Variants in RUNX3 observed in about 807,000 individuals in gnomAD.
RUNX3 encodes runt-related transcription factor 3.
A neutral mutation model predicts 27.7 loss-of-function variants in RUNX3; 10 were observed. That is an observed-to-expected ratio of 0.36 (90% CI 0.22 to 0.61). The LOEUF is 0.61. Among genes scored for constraint, RUNX3 ranks in the 20% least tolerant of loss-of-function variants. The pLI, the probability that RUNX3 is intolerant of heterozygous loss-of-function variation, is 0.72. For missense variants in RUNX3, 469 were observed against 629.5 expected (o/e 0.75, Z 2.73); for synonymous variants, 270 against 269.2 (o/e 1.00, Z -0.03).
Position 24,956,994 on chromosome 1 carries a change from C to G in RUNX3, c.58+7520G>C, listed in dbSNP as rs371973870. 9.2e-5 allele frequency among the ~76,000 whole-genome samples: 14 copies of G among 152,350 alleles called. No homozygotes were observed. The East Asian group carries it at 1.4e-3, about 15-fold the overall frequency. ...GGACCTGCATTTACAAAAGCTCCCC[C>G]CCACAGGGACTGCATGTGCTGGTGG... On this transcript the variant is annotated intron_variant, in intron 2 of 6. Transcript: ENST00000338888.
At chr1:24,920,008 A>C (rs1419479960) in intron 2 of RUNX3, among the ~76,000 whole-genome samples, 2 of 150,760 alleles carry the variant, frequency 1.3e-5, no homozygotes, top group Non-Finnish European at 3.0e-5. Context: ...TTATTTATCT[A>C]CCTCCTTACT....
rs1356355132 is a variant in RUNX3, at chr1:24,907,350, C to T, written c.612G>A (p.Leu204=). 2.5e-6 allele frequency: 4 copies of T among 1,613,846 alleles called. No individual in the cohort carries two copies. The highest frequency in any genetic ancestry group is 3.4e-6 in the Non-Finnish European group (4 of 1,180,006). ...GTGTGCTCGGTGTCACCCGCATGCG[C>T]AGCCGTTCCAGGTCCCCAAAGCGGT... The part of the protein sequence containing the change: ...FPDRFGDLER[L]RMRVTPSTPS... Residue 204 remains leucine (L), a synonymous_variant, in exon 4 of 5, where the codon CTG becomes CTA. Transcript: ENST00000308873.
intron 2 of RUNX3, among the ~76,000 whole-genome samples, chr1:24,937,572 A>G (rs1421408445): frequency 3.9e-5 from 6 of 152,364 alleles, no homozygotes; most frequent in Admixed American, 1.3e-4. Flanking sequence ...ATGGCAAGGA[A>G]GCCTAGACTT....
chr1:24,938,001 C>T (rs1641388078), intron 2 of RUNX3, among the ~76,000 whole-genome samples: 1 of 152,244 alleles, frequency 6.6e-6, no homozygotes, highest in African/African-American at 2.4e-5. Context: ...TGCAGTTTTC[C>T]TCTGCCACCC....
At chr1:24,917,074 T>TG (rs1462836440) in intron 3 of RUNX3, among the ~76,000 whole-genome samples, 1 of 152,066 alleles carries the variant, frequency 6.6e-6, no homozygotes, top group Non-Finnish European at 1.5e-5. Flanking sequence ...GGCTCTGGGG[T>TG]GGGCTGGGCT....
At chr1:24,922,100 G>A (rs368931537) in intron 2 of RUNX3, among the ~76,000 whole-genome samples, 3 of 151,778 alleles carry the variant, frequency 2.0e-5, no homozygotes, top group Non-Finnish European at 4.4e-5. Context: ...ACAGGTGAGC[G>A]CCACCATGCC....
intron 2 of RUNX3, among the ~76,000 whole-genome samples, chr1:24,960,198 C>T (rs1266155620): frequency 3.9e-5 from 6 of 152,222 alleles, no homozygotes; most frequent in Non-Finnish European, 7.3e-5. Context: ...GATCCTGACC[C>T]AGTTTCCCCC....
Position 24,946,044 on chromosome 1 carries a change from AGAAT to A in RUNX3, c.59-16196_59-16193del, listed in dbSNP as rs533843893. ...TTAGGGGGGTTCCCAGAAGCATTTG[AGAAT>A]GAATGAATGAATGAATGAATGAGTG... is the stretch of plus-strand genomic sequence containing the variant. On this transcript the variant is annotated intron_variant, in intron 2 of 6. Transcript: ENST00000338888. Among the ~76,000 whole-genome samples, 313 of 152,240 alleles carry A rather than the reference AGAAT, an allele frequency of 2.1e-3. 1 individual carries two copies. The highest frequency in any genetic ancestry group is 0.014 in the Middle Eastern group (4 of 294).
chr1:24,903,283 G>A (rs1480884244), intron 4 of RUNX3, among the ~76,000 whole-genome samples: 1 of 152,332 alleles, frequency 6.6e-6, no homozygotes, highest in South Asian at 2.1e-4. Context: ...GGTTCTGTGC[G>A]CTCACACCTG....
intron 2 of RUNX3, among the ~76,000 whole-genome samples, chr1:24,922,057 C>T (rs1264174936): frequency 1.3e-5 from 2 of 152,164 alleles, no homozygotes; most frequent in African/African-American, 4.8e-5. Flanking sequence ...CTCAAGTGAT[C>T]CTCCTGTCTC....
chr1:24,911,243 C>CAGCTTG (rs1640790639), intron 3 of RUNX3, among the ~76,000 whole-genome samples: 1 of 152,242 alleles, frequency 6.6e-6, no homozygotes, highest in Admixed American at 6.5e-5. Context: ...TAGTCAGCCA[C>CAGCTTG]AAGCTTGAAG....
In RUNX3 at chr1:24,953,095, G is replaced by C. The variant is rs766968536; in HGVS notation, c.58+11419C>G. ...GAAAAATGAAAAAAAGGCAGGGCGC[G>C]GTGGCTCAAGCCTGCAATCCCATCA... On this transcript the variant is annotated intron_variant, in intron 2 of 6. Coordinates refer to the RUNX3 transcript ENST00000338888. Among the ~76,000 whole-genome samples the C allele has an allele frequency of 2.0e-5, 3 of 152,038 alleles. No individual in the cohort carries two copies. In the East Asian group the frequency reaches 5.8e-4, roughly 29 times the overall value.
At position 24,954,357 on chromosome 1, in the gene RUNX3, A is replaced by G. The variant is rs142601848; in HGVS notation, c.58+10157T>C. Among the ~76,000 whole-genome samples the G allele has an allele frequency of 5.5e-3, 832 of 152,302 alleles. 10 individuals carry two copies. Among genetic ancestry groups the G allele is most frequent in the African/African-American group, 0.019 (805 of 41,552 alleles). The stretch of plus-strand genomic sequence containing the variant: ...TTACTGGTTCTAAAATCTTCAAGCT[A>G]TGCTCTCACCCAAGGCTTCACTTAT... On this transcript the variant is annotated intron_variant, in intron 2 of 6. Coordinates refer to the RUNX3 transcript ENST00000338888.
rs1001434108 is a variant in RUNX3, at chr1:24,916,899, C to A, written c.544+2341G>T. 2.0e-5 allele frequency among the ~76,000 whole-genome samples: 3 copies of A among 152,324 alleles called. No individual in the cohort carries two copies. The highest frequency in any genetic ancestry group is 4.4e-5 in the Non-Finnish European group (3 of 68,030). ...AGCCTCTGTCCCTCCCTCTTGTTGC[C>A]TCGTCCTGAGCCACGCATTTACCTT... On this transcript the variant is annotated intron_variant, in intron 3 of 4. Transcript: ENST00000308873. The surrounding 1 kb of genome is among the most constrained non-coding windows in gnomAD (Gnocchi z 4.8).
chr1:24,934,470 G>A (rs1641300727), upstream of RUNX3, among the ~76,000 whole-genome samples: 2 of 152,294 alleles, frequency 1.3e-5, no homozygotes, highest in African/African-American at 2.4e-5. Flanking sequence ...CTGCCTGTGC[G>A]GTCTGAGACT....
At chr1:24,951,674 C>T (rs545577006) in intron 2 of RUNX3, among the ~76,000 whole-genome samples, 23 of 152,128 alleles carry the variant, frequency 1.5e-4, no homozygotes, top group Admixed American at 1.4e-3. Context: ...AAGAGAAGAC[C>T]AAGGATGCTC....
chr1:24,901,802 C>A lies in RUNX3; in HGVS notation c.*320G>T. The A allele has an allele frequency of 2.8e-6, 1 of 352,130 alleles. No individual in the cohort carries two copies. The highest frequency in any genetic ancestry group is 4.8e-5 in the East Asian group (1 of 20,622). The allele number at this position is 352,130 out of a possible 1,614,324, so 21.8% of individuals were successfully genotyped here. A position where few individuals can be genotyped will look rare whatever the true frequency, so the allele number is the denominator to read the frequency against. ...CAGGAGACATGGGTCCCATGCAGCA[C>A]TGGGCATAGCTGGAGACAGTGAGGT... is the stretch of plus-strand genomic sequence containing the variant. On this transcript the variant is annotated 3_prime_UTR_variant, in exon 5 of 5. Coordinates refer to ENST00000308873, the MANE Select transcript of RUNX3 (RefSeq NM_004350.3).
At chr1:24,936,125 G>A (rs1176952137) in intron 2 of RUNX3, among the ~76,000 whole-genome samples, 1 of 152,242 alleles carries the variant, frequency 6.6e-6, no homozygotes, top group Non-Finnish European at 1.5e-5. Context: ...GGAGCCAAGG[G>A]GGCTTCTGGG....
intron 2 of RUNX3, among the ~76,000 whole-genome samples, chr1:24,942,312 G>T (rs2124339744): frequency 6.6e-6 from 1 of 152,290 alleles, no homozygotes; most frequent in East Asian, 1.9e-4. Flanking sequence ...ACAAGCAATG[G>T]ACCAGAAAGC....
Sources: gnomAD v4.1 joint callset for allele counts (sites outside exome capture counted in the v4.1 genomes callset) on GRCh38, gnomAD v4.1.1 for gene constraint, Gnocchi (gnomAD v3.1) non-coding constraint, MANE v1.5 for transcripts, NCBI Gene and HGNC (gene_info 2026-07-23, HGNC 2026-07-21) for gene names.